MTMR9: variants seen among roughly 807,000 people sequenced by gnomAD.
MTMR9 encodes the protein myotubularin related protein 9.
In MTMR9, 39 loss-of-function variants were observed where a neutral mutation model predicts 69.5. The observed-to-expected ratio is 0.56, with a 90% CI of 0.43 to 0.73. MTMR9 has a LOEUF of 0.73. MTMR9 is among the 30% of genes least tolerant of loss of function. The probability of loss-of-function intolerance (pLI) is 0.00; values close to 1 mark genes in which losing one functional copy is unlikely to be tolerated. For synonymous variants in MTMR9, 354 were observed against 240.8 expected, an observed-to-expected ratio of 1.47 and a Z score of -4.35; for missense variants, 900 against 671.2, an observed-to-expected ratio of 1.34 and a Z score of -3.77.
At position 11,286,913 on chromosome 8, in the gene MTMR9, C is replaced by T. The variant is rs111899210; in HGVS notation, c.182+1843C>T. ...ATCTGTGTATTTTATTGACTTCTTCCTTCTGCTGGAATGCCTTGCCTCTCC... is the reference window on the plus strand; with the variant it reads ...ATCTGTGTATTTTATTGACTTCTTCTTTCTGCTGGAATGCCTTGCCTCTCC... On this transcript the variant is annotated intron_variant, in intron 1 of 9. Coordinates refer to ENST00000221086, the MANE Select transcript of MTMR9 (RefSeq NM_015458.4). Among the ~76,000 whole-genome samples, 504 of 152,214 alleles carry T rather than the reference C, an allele frequency of 3.3e-3. 3 individuals carry two copies. The highest frequency in any genetic ancestry group is 0.012 in the African/African-American group (495 of 41,536).
rs757588602 is a variant in MTMR9 at position 11,322,710 on chromosome 8, A to G, written c.1572A>G (p.Glu524=). ...TTAACATCATTGAATATAATAAAGAATTACAAGCAAAAGTCAATATCCTTC... is the reference window on the plus strand; with the variant it reads ...TTAACATCATTGAATATAATAAAGAGTTACAAGCAAAAGTCAATATCCTTC... ...EMVNIIEYNK[E]LQAKVNILRR... is the part of the protein sequence containing the mutation. The change falls in exon 10 of 10, where the codon GAA becomes GAG. Residue 524 remains glutamate, a synonymous_variant. Transcript: ENST00000221086. 1 of 1,614,034 alleles carries G rather than the reference A, an allele frequency of 6.2e-7. No individual in the cohort carries two copies. The highest frequency in any genetic ancestry group is 1.7e-5 in the Admixed American group (1 of 60,010).
downstream of MTMR9, among the ~76,000 whole-genome samples, chr8:11,329,596 G>A (rs1801113706): frequency 6.6e-6 from 1 of 152,364 alleles, no homozygotes. Flanking sequence ...GATTGTAGAC[G>A]GAGTCTGGTT....
At chr8:11,331,605 C>G (rs1430472354), downstream of MTMR9, 2 of 1,613,514 alleles carry the variant, frequency 1.2e-6, no homozygotes, top group African/African-American at 1.3e-5. Context: ...GGGCAGCATC[C>G]TAGGACTAAT....
chr8:11,312,068 A>G (rs1198578278), intron 6 of MTMR9, among the ~76,000 whole-genome samples: 1 of 152,134 alleles, frequency 6.6e-6, no homozygotes, highest in Non-Finnish European at 1.5e-5. Flanking sequence ...TTTAGGAGAC[A>G]GGGCCTTGCT....
rs1800987705 is a variant in MTMR9, at chr8:11,327,471, T to C, written c.*4683T>C. 6.6e-6 allele frequency: 1 copy of C among 152,378 alleles called. No individual in the cohort carries two copies. The highest frequency in any genetic ancestry group is 1.5e-5 in the Non-Finnish European group (1 of 68,040). 9.4% of individuals were successfully genotyped at this position (152,378 alleles called of 1,614,324 possible). ...TGTTTGTCTGGCCAAGACATTTGCT[T>C]CACTTTTAAAATGCACGTTATCTTT... On this transcript the variant is annotated 3_prime_UTR_variant, in exon 10 of 10. Transcript: ENST00000221086.
At chr8:11,321,922 G>A (rs1800710625) in intron 9 of MTMR9, among the ~76,000 whole-genome samples, 1 of 152,174 alleles carries the variant, frequency 6.6e-6, no homozygotes. Context: ...CTGACATGGT[G>A]CAGCCTGGAA....
At position 11,314,942 on chromosome 8, in the gene MTMR9, A is replaced by G; in HGVS notation, c.991A>G (p.Ile331Val). 2.5e-6 allele frequency: 4 copies of G among 1,613,862 alleles called. No individual in the cohort carries two copies. The highest frequency in any genetic ancestry group is 3.4e-6 in the Non-Finnish European group (4 of 1,179,802). The change falls in exon 7 of 10, where the codon ATT becomes GTT. Residue 331 changes from isoleucine to valine, a missense_variant. Transcript: ENST00000221086. Reference sequence around the variant, plus strand: ...TATCAGGGAAGGAGCATCAATATTGATTCACGGAACAGAAGGAACTGATTC... The same window carrying G: ...TATCAGGGAAGGAGCATCAATATTGGTTCACGGAACAGAAGGAACTGATTC... ...CIDREGASIL[I>V]HGTEGTDSTL...
the MTMR9 span, among the ~76,000 whole-genome samples, chr8:11,335,611 A>T: frequency 4.1e-3 from 622 of 152,298 alleles, 4 homozygotes; most frequent in African/African-American, 0.013. Context: ...ATTGAAGGAG[A>T]AGAACAAAGT....
At chr8:11,339,503 A>C in the MTMR9 span, 1 of 152,334 alleles carries the variant, frequency 6.6e-6, no homozygotes, top group Non-Finnish European at 1.5e-5. Flanking sequence ...TGTTTTTGTA[A>C]ATAAAGTTTT....
At chr8:11,306,960 G>A (rs942995046) in intron 5 of MTMR9, among the ~76,000 whole-genome samples, 4 of 152,178 alleles carry the variant, frequency 2.6e-5, no homozygotes, top group Non-Finnish European at 5.9e-5. Flanking sequence ...ATATAAGTGA[G>A]TTCATGCAGT....
At chr8:11,330,284 G>T (rs1466694743), downstream of MTMR9, among the ~76,000 whole-genome samples, 1 of 150,914 alleles carries the variant, frequency 6.6e-6, no homozygotes, top group East Asian at 2.0e-4. Context: ...CCCTGTCCGG[G>T]AGGGAGGTGG....
At chr8:11,320,341 T>G (rs1158651979) in intron 9 of MTMR9, 1 of 152,382 alleles carries the variant, frequency 6.6e-6, no homozygotes, top group East Asian at 1.9e-4. Flanking sequence ...TGCTTAATTT[T>G]TAAATCTATT....
the MTMR9 span, among the ~76,000 whole-genome samples, chr8:11,335,741 G>C: frequency 6.6e-6 from 1 of 152,278 alleles, no homozygotes; most frequent in Middle Eastern, 3.4e-3. Context: ...GCCTGTAGTA[G>C]CATTACCTTG....
In MTMR9 at chr8:11,299,285, G is replaced by A. The variant is rs143657456; in HGVS notation, c.292-738G>A. On this transcript the variant is annotated intron_variant, in intron 2 of 9. Coordinates refer to ENST00000221086, the MANE Select transcript of MTMR9 (RefSeq NM_015458.4). Reference sequence around the variant, plus strand: ...GCGGAGGCTGCAGTGAGCCGAGATCGCGCCATTCTAGCCTGGGTGACAAGA... The same window carrying A: ...GCGGAGGCTGCAGTGAGCCGAGATCACGCCATTCTAGCCTGGGTGACAAGA... 8.5e-5 allele frequency among the ~76,000 whole-genome samples: 13 copies of A among 152,286 alleles called. No homozygotes were observed. The South Asian group carries it at 1.0e-3, about 12-fold the overall frequency.
At chr8:11,298,724 C>CT in intron 2 of MTMR9, 2 of 895,772 alleles carry the variant, frequency 2.2e-6, no homozygotes, top group Non-Finnish European at 2.7e-6. Context: ...CGCTGCACCC[C>CT]CCCCCCGCCA....
rs778586337 is a variant in MTMR9, at chr8:11,319,760, T to A, written c.1408T>A (p.Phe470Ile). The change falls in exon 9 of 10, where the codon TTC (phenylalanine) becomes ATC (isoleucine). Residue 470 changes from phenylalanine to isoleucine, a missense_variant. Physicochemically the swap from Phe to Ile is conservative, Grantham distance 21 (BLOSUM62 0). Coordinates refer to ENST00000221086, the MANE Select transcript of MTMR9 (RefSeq NM_015458.4). The stretch of plus-strand genomic sequence containing the variant: ...TAATCAGCCCAGTGAGCTGAGTAAA[T>A]TCACCAATCCCCTCTTTGAAGCCAA... Reference protein sequence around the residue: ...WVNQPSELSKFTNPLFEANNL... With the variant: ...WVNQPSELSKITNPLFEANNL... 3 of 1,614,192 alleles carry A rather than the reference T, an allele frequency of 1.9e-6. No homozygotes were observed. The East Asian group carries it at 6.7e-5, about 36-fold the overall frequency.
At chr8:11,292,360 G>C (rs1362122334) in intron 1 of MTMR9, among the ~76,000 whole-genome samples, 1 of 152,160 alleles carries the variant, frequency 6.6e-6, no homozygotes, top group African/African-American at 2.4e-5. Context: ...CTTGCCAGTG[G>C]AATGGCTGGA....
chr8:11,321,572 G>A (rs980231098), intron 9 of MTMR9: 1 of 452,310 alleles, frequency 2.2e-6, no homozygotes, highest in Non-Finnish European at 4.5e-6. Flanking sequence ...CGGAGTTTCA[G>A]TGTGTGTTTC....
downstream of MTMR9, chr8:11,332,196 A>T (rs1273304236): frequency 3.9e-6 from 6 of 1,522,008 alleles, no homozygotes; most frequent in Non-Finnish European, 5.3e-6. Flanking sequence ...CAAAAAAAAA[A>T]TAAAAGAAAA....
Sources: gnomAD v4.1 joint callset for allele counts (sites outside exome capture counted in the v4.1 genomes callset) on GRCh38, gnomAD v4.1.1 for gene constraint, MANE v1.5 for transcripts, NCBI Gene and HGNC (gene_info 2026-07-23, HGNC 2026-07-21) for gene names.